BCAT2: variants seen among roughly 807,000 people sequenced by gnomAD.
BCAT2 encodes the protein branched chain amino acid transaminase 2.
Under a neutral mutation model 52.9 loss-of-function variants are expected in BCAT2, and 44 were observed. That is an observed-to-expected ratio of 0.83 (90% CI 0.65 to 1.07). The LOEUF (loss-of-function observed/expected upper bound fraction) is 1.07, where lower values mean the gene tolerates loss of function less well. BCAT2 is among the 50% of genes least tolerant of loss of function. BCAT2 has a pLI of 0.00. For missense variants in BCAT2, 478 were observed against 521.8 expected (o/e 0.92, Z 0.82); for synonymous variants, 215 against 217.1 (o/e 0.99, Z 0.08).
chr19:48,808,166 G>A, intron 1 of BCAT2: 2 of 986,848 alleles, frequency 2.0e-6, no homozygotes, highest in South Asian at 4.7e-5. Flanking sequence ...ATTCCGGGGT[G>A]ATCAGAGCGT....
In BCAT2 at chr19:48,797,035, TA is replaced by T; in HGVS notation, c.839-14del. The T allele has an allele frequency of 6.2e-7, 1 of 1,613,974 alleles. No individual in the cohort carries two copies. ...ACCAGCTCCAGCACTAGGGCAGGTG[TA>T]AGGGGTGGAAGATGTTACCTCTCAC... On this transcript the variant is annotated splice_polypyrimidine_tract_variant and intron_variant, in intron 7 of 10. Transcript: ENST00000316273.
intron 1 of BCAT2, chr19:48,808,382 G>C: frequency 2.2e-5 from 9 of 409,678 alleles, no homozygotes; most frequent in Non-Finnish European, 2.9e-5. Flanking sequence ...AAGAAACACA[G>C]AAAGGGGCGC....
In BCAT2 at chr19:48,797,210, G is replaced by C. The variant is rs139334982; in HGVS notation, c.819C>G (p.Tyr273Ter). 48 of 1,613,734 alleles carry C rather than the reference G, an allele frequency of 3.0e-5. No homozygotes were observed. The highest frequency in any genetic ancestry group is 4.0e-5 in the Non-Finnish European group (47 of 1,179,874). The change falls in exon 7 of 11, where the codon TAC becomes TAG. Residue 273 changes from tyrosine (Y) to a stop codon, truncating the protein, a stop_gained. Coordinates refer to ENST00000316273, the MANE Select transcript of BCAT2 (RefSeq NM_001190.4). LOFTEE classifies it high-confidence loss of function. ...TEVGTMNIFV[Y>*]WTHEDGVLEL... ...GCTTACCCCCATCTTCGTGGGTCCA[G>C]TAGACAAAGATGTTCATGGTTCCCA...
intron 3 of BCAT2, 103 bp downstream of exon 3, chr19:48,806,414 A>G: frequency 7.0e-7 from 1 of 1,431,122 alleles, no homozygotes; most frequent in Admixed American, 1.9e-5. Flanking sequence ...CAGAAAGGAG[A>G]AACACACAAC....
At chr19:48,806,938 C>A in intron 2 of BCAT2, 62 bp downstream of exon 2, 1 of 1,571,694 alleles carries the variant, frequency 6.4e-7, no homozygotes, top group Non-Finnish European at 8.8e-7. Flanking sequence ...TTTGGAGATG[C>A]CCAAAACCAG....
chr19:48,810,832 TC>T lies in BCAT2; in HGVS notation c.24+151del, dbSNP rs2034905761. On this transcript the variant is annotated intron_variant, in intron 1 of 10. Coordinates refer to ENST00000316273, the MANE Select transcript of BCAT2 (RefSeq NM_001190.4). ...ACCCCATTAAAGCCTCGTGCTCCTT[TC>T]CAAAGGGCGCCATCCTCCTCCGCGC... The T allele has an allele frequency of 4.7e-6, 7 of 1,492,382 alleles. No individual in the cohort carries two copies. The South Asian group carries it at 7.6e-5, about 16-fold the overall frequency. 92.4% of individuals were successfully genotyped at this position (1,492,382 alleles called of 1,614,324 possible).
intron 3 of BCAT2, among the ~76,000 whole-genome samples, chr19:48,805,634 GT>G (rs2034750799): frequency 7.8e-6 from 1 of 127,526 alleles, no homozygotes; most frequent in Non-Finnish European, 1.7e-5. Context: ...ATCTCCAACT[GT>G]CCCCTCTCCC....
At chr19:48,800,474 T>C (rs913314011) in intron 3 of BCAT2, among the ~76,000 whole-genome samples, 177 bp from the exon 4 acceptor site, 1 of 151,552 alleles carries the variant, frequency 6.6e-6, no homozygotes, top group Non-Finnish European at 1.5e-5. Flanking sequence ...GAGAGACAGA[T>C]ATAGACAGGG....
chr19:48,796,914 A>C, intron 8 of BCAT2, 23 bp downstream of exon 8: 1 of 1,612,928 alleles, frequency 6.2e-7, no homozygotes, highest in Non-Finnish European at 8.5e-7. Flanking sequence ...GGCGCCCATC[A>C]CCAGAAGATG....
intron 10 of BCAT2, 28 bp downstream of exon 10, chr19:48,796,400 G>C: frequency 6.2e-7 from 1 of 1,613,844 alleles, no homozygotes; most frequent in Non-Finnish European, 8.5e-7. Flanking sequence ...CAAGCTCCCA[G>C]CCCATTCCCC....
intron 10 of BCAT2, chr19:48,795,814 C>A (rs71352704): frequency 0.044 from 15,137 of 341,082 alleles, 395 homozygotes; most frequent in Middle Eastern, 0.076. Flanking sequence ...GGGAAAGGAG[C>A]CCAGAGATTC....
intron 6 of BCAT2, chr19:48,797,544 CTTTCT>C (rs552622259): frequency 4.7e-5 from 28 of 599,814 alleles, no homozygotes; most frequent in Admixed American, 9.5e-5. Context: ...TCCCACTTTT[CTTTCT>C]TTTCTTTTCT....
chr19:48,810,832 T>G, intron 1 of BCAT2, 152 bp downstream of exon 1: 7 of 1,492,488 alleles, frequency 4.7e-6, no homozygotes, highest in Middle Eastern at 2.2e-4. Context: ...CGTGCTCCTT[T>G]CCAAAGGGCG....
At chr19:48,806,169 C>T (rs2034773906) in intron 3 of BCAT2, among the ~76,000 whole-genome samples, 2 of 145,912 alleles carry the variant, frequency 1.4e-5, no homozygotes, top group African/African-American at 2.6e-5. Context: ...CCTCTCCCAC[C>T]ATCCCCCTCT....
At chr19:48,795,523 C>G (rs1251905395) in intron 10 of BCAT2, 59 bp from the exon 11 acceptor site, 1 of 1,596,984 alleles carries the variant, frequency 6.3e-7, no homozygotes, top group Non-Finnish European at 8.6e-7. Flanking sequence ...CCCAGTAGGC[C>G]CTGGGGTGTT....
At chr19:48,801,359 G>C (rs2034654209) in intron 3 of BCAT2, among the ~76,000 whole-genome samples, 1 of 152,018 alleles carries the variant, frequency 6.6e-6, no homozygotes, top group African/African-American at 2.4e-5. Flanking sequence ...TGAGGGGCAA[G>C]ATGGGGCAGG....
rs1227293092 is a variant in BCAT2, at chr19:48,801,949, T to C, written c.301-1652A>G. ...ACCACGACTGGACTTTTTTTTTTTT[T>C]CCAATTTCTTGTACAGATAGGGTCT... On this transcript the variant is annotated intron_variant, in intron 3 of 10. Transcript: ENST00000316273. Among the ~76,000 whole-genome samples, 7 of 151,812 alleles carry C rather than the reference T, an allele frequency of 4.6e-5. No individual in the cohort carries two copies. In the East Asian group the frequency reaches 5.8e-4, roughly 13 times the overall value.
At chr19:48,798,472 T>C (rs2034581406) in intron 6 of BCAT2, among the ~76,000 whole-genome samples, 1 of 152,208 alleles carries the variant, frequency 6.6e-6, no homozygotes. Flanking sequence ...CCCAAACTTA[T>C]TTTTGTAACC....
At position 48,807,124 on chromosome 19, in the gene BCAT2, CCCTGGCAGCTCGCTCGCCACCT is replaced by C; in HGVS notation, c.25-72_25-51del. 1 of 1,516,232 alleles carries C rather than the reference CCCTGGCAGCTCGCTCGCCACCT, an allele frequency of 6.6e-7. No individual in the cohort carries two copies. Among genetic ancestry groups the C allele is most frequent in the Non-Finnish European group, 9.0e-7 (1 of 1,106,958 alleles). 93.9% of individuals were successfully genotyped at this position (1,516,232 alleles called of 1,614,324 possible). ...GGGGGTGAGTGGGGCACAGCAGGGG[CCCTGGCAGCTCGCTCGCCACCT>C]CCTGCACTTGGAGGTCCCACTGGCC... is the stretch of plus-strand genomic sequence containing the variant. On this transcript the variant is annotated intron_variant, in intron 1 of 10. Transcript: ENST00000316273. This position sits in a 1 kb window ranked among gnomAD's most constrained non-coding sequence, Gnocchi z 4.6.
Sources: gnomAD v4.1 joint callset for allele counts (sites outside exome capture counted in the v4.1 genomes callset) on GRCh38, gnomAD v4.1.1 for gene constraint, Gnocchi (gnomAD v3.1) non-coding constraint, MANE v1.5 for transcripts, NCBI Gene and HGNC (gene_info 2026-07-23, HGNC 2026-07-21) for gene names.